Variants in FARS2 observed in about 807,000 individuals in gnomAD.
The protein encoded by FARS2 is phenylalanine--tRNA ligase, mitochondrial.
Under a neutral mutation model 46.4 loss-of-function variants are expected in FARS2, and 40 were observed. The observed-to-expected ratio is 0.86, with a 90% CI of 0.67 to 1.12. The LOEUF (loss-of-function observed/expected upper bound fraction) is 1.12. FARS2 is among the 50% of genes most tolerant of loss of function. The pLI is 0.00. For missense variants in FARS2, 513 were observed against 567.9 expected (o/e 0.90, Z 0.98); for synonymous variants, 234 against 214.9 (o/e 1.09, Z -0.78).
chr6:5,488,545 A>G (rs1477387617), intron 4 of FARS2, among the ~76,000 whole-genome samples: 7 of 152,112 alleles, frequency 4.6e-5, no homozygotes. Flanking sequence ...GCTCAAATGA[A>G]TAATTTTACA....
intron 1 of FARS2, among the ~76,000 whole-genome samples, chr6:5,300,017 G>A (rs926624803): frequency 3.9e-5 from 6 of 152,034 alleles, no homozygotes; most frequent in African/African-American, 1.4e-4. Context: ...TCAGTAGTTG[G>A]AGCAGAAAGT....
intron 3 of FARS2, among the ~76,000 whole-genome samples, chr6:5,421,927 A>T (rs907895075): frequency 4.6e-5 from 7 of 152,162 alleles, no homozygotes; most frequent in Admixed American, 3.3e-4. Flanking sequence ...CCCAGTTTCA[A>T]AGTCACTTCC....
intron 6 of FARS2, among the ~76,000 whole-genome samples, chr6:5,698,657 G>A (rs1758243688): frequency 6.6e-6 from 1 of 152,178 alleles, no homozygotes; most frequent in African/African-American, 2.4e-5. Flanking sequence ...TTCTCCAGCA[G>A]GCTCACCAGG....
intron 5 of FARS2, among the ~76,000 whole-genome samples, chr6:5,606,479 T>C (rs997800002): frequency 6.6e-6 from 1 of 152,100 alleles, no homozygotes; most frequent in Non-Finnish European, 1.5e-5. Flanking sequence ...GTTTGCCTCC[T>C]GTGGACTTTC....
chr6:5,723,678 T>G (rs1331845346), intron 6 of FARS2, among the ~76,000 whole-genome samples: 1 of 152,228 alleles, frequency 6.6e-6, no homozygotes, highest in Non-Finnish European at 1.5e-5. Flanking sequence ...TTGTTTTGCG[T>G]GTGAGGAAAA....
chr6:5,609,106 C>T, intron 5 of FARS2: 13 of 649,110 alleles, frequency 2.0e-5, no homozygotes, highest in South Asian at 2.0e-4. Flanking sequence ...TAAAATATGT[C>T]TTCTTTGTAG....
chr6:5,265,608 A>G (rs1362519132), intron 1 of FARS2, among the ~76,000 whole-genome samples: 1 of 152,248 alleles, frequency 6.6e-6, no homozygotes, highest in East Asian at 1.9e-4. Context: ...GATAGCTGGC[A>G]GCCTAGCAAT....
chr6:5,695,636 A>G (rs1701501583), intron 6 of FARS2, among the ~76,000 whole-genome samples: 1 of 152,234 alleles, frequency 6.6e-6, no homozygotes, highest in African/African-American at 2.4e-5. Context: ...GTCACACCAT[A>G]TATAAGTAAT....
Position 5,648,516 on chromosome 6 carries a change from G to C in FARS2, c.1217+35196G>C, listed in dbSNP as rs182754612. Among the ~76,000 whole-genome samples the C allele has an allele frequency of 3.9e-5, 6 of 152,342 alleles. No individual in the cohort carries two copies. In the East Asian group the frequency reaches 1.2e-3, roughly 29 times the overall value. On this transcript the variant is annotated intron_variant, in intron 6 of 6. Coordinates refer to ENST00000274680, the MANE Select transcript of FARS2 (RefSeq NM_006567.5). ...GCACTGGGGATCCATTCCCTGTAGG[G>C]TGAAGGGAGGAAACCAGGGTGTTTG...
chr6:5,698,952 T>C (rs1451787515), intron 6 of FARS2, among the ~76,000 whole-genome samples: 1 of 152,196 alleles, frequency 6.6e-6, no homozygotes, highest in East Asian at 1.9e-4. Flanking sequence ...CTGCGTGTCC[T>C]GCCAACTGCT....
At chr6:5,314,733 G>C (rs1483721011) in intron 1 of FARS2, among the ~76,000 whole-genome samples, 6 of 152,148 alleles carry the variant, frequency 3.9e-5, no homozygotes, top group African/African-American at 1.4e-4. Context: ...CGTCGATATG[G>C]GGTTACCACT....
chr6:5,517,222 G>T (rs1301336286), intron 4 of FARS2, among the ~76,000 whole-genome samples: 1 of 152,182 alleles, frequency 6.6e-6, no homozygotes, highest in Non-Finnish European at 1.5e-5. Flanking sequence ...CATTTTATTA[G>T]TGCTAGAGCT....
At chr6:5,362,858 C>G (rs538618045) in intron 1 of FARS2, among the ~76,000 whole-genome samples, 1 of 151,494 alleles carries the variant, frequency 6.6e-6, no homozygotes, top group Non-Finnish European at 1.5e-5. Flanking sequence ...TTTCACATAC[C>G]TATTGACCAT....
chr6:5,594,080 A>G (rs1048095863), intron 5 of FARS2, among the ~76,000 whole-genome samples: 1 of 152,078 alleles, frequency 6.6e-6, no homozygotes, highest in African/African-American at 2.4e-5. Flanking sequence ...ATCGCTGAGT[A>G]TTTTTTGGGT....
chr6:5,673,008 T>C (rs1778558987), intron 6 of FARS2, among the ~76,000 whole-genome samples: 1 of 152,154 alleles, frequency 6.6e-6, no homozygotes, highest in Non-Finnish European at 1.5e-5. Flanking sequence ...CCTTTGGGGC[T>C]GTGAAGGGAA....
At chr6:5,384,886 GCA>G (rs939455305) in intron 2 of FARS2, among the ~76,000 whole-genome samples, 4 of 152,042 alleles carry the variant, frequency 2.6e-5, no homozygotes, top group Admixed American at 2.6e-4. Flanking sequence ...TAATCCACTG[GCA>G]CAAAGTCTCA....
Position 5,578,002 on chromosome 6 carries a change from C to T in FARS2, c.1065+32662C>T, listed in dbSNP as rs183607954. 8.1e-3 allele frequency among the ~76,000 whole-genome samples: 1,225 copies of T among 152,128 alleles called. 7 individuals carry two copies. Among genetic ancestry groups the T allele is most frequent in the South Asian group, 0.015 (73 of 4,818 alleles). On this transcript the variant is annotated intron_variant, in intron 5 of 6. Coordinates refer to ENST00000274680, the MANE Select transcript of FARS2 (RefSeq NM_006567.5). ...ATTTTTAGTAGAGAATGGGTTTCAC[C>T]GTGTTAGCCAGGATAGTCTCAATCT...
At chr6:5,294,001 TAC>T (rs1023868766) in intron 1 of FARS2, among the ~76,000 whole-genome samples, 3 of 152,162 alleles carry the variant, frequency 2.0e-5, no homozygotes, top group African/African-American at 7.2e-5. Flanking sequence ...CACACACACA[TAC>T]ACACACAGCA....
intron 4 of FARS2, among the ~76,000 whole-genome samples, chr6:5,479,268 GGT>G (rs922935985): frequency 3.9e-5 from 6 of 152,138 alleles, no homozygotes; most frequent in African/African-American, 1.4e-4. Flanking sequence ...AAATGTGTTG[GGT>G]GTGTGCCCTC....
Sources: allele counts gnomAD v4.1 joint callset (sites outside exome capture counted in the v4.1 genomes callset), GRCh38; gene constraint gnomAD v4.1.1; transcripts MANE v1.5; gene names NCBI Gene and HGNC (gene_info 2026-07-23, HGNC 2026-07-21).